TNIK: variants seen among roughly 807,000 people sequenced by gnomAD.
The protein encoded by TNIK is TRAF2 and NCK interacting kinase.
A neutral mutation model predicts 191.3 loss-of-function variants in TNIK; 49 were observed. The observed-to-expected ratio is 0.26, with a 90% CI of 0.20 to 0.32. The LOEUF is 0.32. Ranked by LOEUF, TNIK falls within the 10% of genes least tolerant of loss-of-function variation. The pLI is 1.00. For missense variants in TNIK, 1,155 were observed against 1,702.3 expected (o/e 0.68, Z 5.66); for synonymous variants, 594 against 600.9 (o/e 0.99, Z 0.17).
At chr3:171,166,624 C>T (rs1470666284) in intron 10 of TNIK, among the ~76,000 whole-genome samples, 1 of 152,092 alleles carries the variant, frequency 6.6e-6, no homozygotes, top group African/African-American at 2.4e-5. Context: ...TCTATCACTG[C>T]AACTATAAAA....
intron 9 of TNIK, among the ~76,000 whole-genome samples, chr3:171,169,892 T>TTCG (rs1434743502): frequency 6.6e-6 from 1 of 152,220 alleles, no homozygotes; most frequent in African/African-American, 2.4e-5. Context: ...GGTAATATAT[T>TTCG]TCATATCTTC....
At chr3:171,223,287 C>A (rs963117145) in intron 3 of TNIK, among the ~76,000 whole-genome samples, 1 of 151,988 alleles carries the variant, frequency 6.6e-6, no homozygotes, top group Non-Finnish European at 1.5e-5. Flanking sequence ...ACAAACTTTA[C>A]AAGTAACGTT....
intron 5 of TNIK, among the ~76,000 whole-genome samples, chr3:171,192,711 T>A (rs1201395240): frequency 6.6e-6 from 1 of 152,186 alleles, no homozygotes; most frequent in Non-Finnish European, 1.5e-5. Context: ...GTGGTCAGGA[T>A]GACTAAATAA....
intron 2 of TNIK, among the ~76,000 whole-genome samples, chr3:171,351,287 G>A (rs1181868723): frequency 9.8e-6 from 1 of 101,628 alleles, no homozygotes; most frequent in Non-Finnish European, 2.2e-5. Flanking sequence ...GTGTGTGTGT[G>A]TATGAATGCA....
intron 2 of TNIK, among the ~76,000 whole-genome samples, chr3:171,352,019 AT>A (rs1158458565): frequency 6.6e-6 from 1 of 152,204 alleles, no homozygotes; most frequent in African/African-American, 2.4e-5. Flanking sequence ...TTAAATGGGC[AT>A]ATAAATCACC....
At chr3:171,427,738 GGC>G (rs1724829168) in intron 1 of TNIK, among the ~76,000 whole-genome samples, 1 of 152,170 alleles carries the variant, frequency 6.6e-6, no homozygotes. Flanking sequence ...AGGGAAAGAT[GGC>G]TCACCCTTGT....
intron 1 of TNIK, among the ~76,000 whole-genome samples, chr3:171,415,279 C>T (rs1036395454): frequency 1.3e-5 from 2 of 152,180 alleles, no homozygotes; most frequent in African/African-American, 2.4e-5. Flanking sequence ...CATCATAGCA[C>T]TTAACCACTA....
intron 1 of TNIK, among the ~76,000 whole-genome samples, chr3:171,393,030 T>C (rs1403699739): frequency 6.6e-6 from 1 of 152,106 alleles, no homozygotes; most frequent in African/African-American, 2.4e-5. Flanking sequence ...GGAACCACTG[T>C]AAAAGGGCCC....
intron 3 of TNIK, among the ~76,000 whole-genome samples, chr3:171,215,766 C>CT (rs1741384255): frequency 6.6e-6 from 1 of 152,146 alleles, no homozygotes; most frequent in African/African-American, 2.4e-5. Context: ...CACAGGGGAA[C>CT]ACACTTTAAG....
At chr3:171,074,830 A>C (rs2173610) in intron 28 of TNIK, among the ~76,000 whole-genome samples, 1 of 152,202 alleles carries the variant, frequency 6.6e-6, no homozygotes, top group African/African-American at 2.4e-5. Flanking sequence ...GGAAACTACA[A>C]GTGGTTCTTT....
chr3:171,295,239 A>T (rs1752155064), intron 2 of TNIK, among the ~76,000 whole-genome samples: 1 of 152,214 alleles, frequency 6.6e-6, no homozygotes, highest in Admixed American at 6.5e-5. Context: ...GATTTGGGGA[A>T]CTATGCACTA....
At chr3:171,310,833 C>T (rs1468374521) in intron 2 of TNIK, among the ~76,000 whole-genome samples, 1 of 151,986 alleles carries the variant, frequency 6.6e-6, no homozygotes, top group Admixed American at 6.6e-5. Context: ...AACAAACAAA[C>T]AAAAAGAAAG....
At chr3:171,077,759 A>C (rs553760049) in intron 28 of TNIK, among the ~76,000 whole-genome samples, 1 of 152,110 alleles carries the variant, frequency 6.6e-6, no homozygotes, top group African/African-American at 2.4e-5. Context: ...ATGTGAAATA[A>C]TTCCTCATAA....
intron 2 of TNIK, among the ~76,000 whole-genome samples, chr3:171,340,099 T>C (rs183692878): frequency 6.6e-6 from 1 of 152,322 alleles, no homozygotes; most frequent in Admixed American, 6.5e-5. Flanking sequence ...TAAAATATTA[T>C]AAAGAATATT....
At position 171,296,805 on chromosome 3, in the gene TNIK, A is replaced by C. The variant is rs187448847; in HGVS notation, c.124-68584T>G. On this transcript the variant is annotated intron_variant, in intron 2 of 32. Coordinates refer to ENST00000436636, the MANE Select transcript of TNIK (RefSeq NM_015028.4). Reference sequence around the variant, plus strand: ...CTTAAATGACACTTTTATCTAGAACACAAGTAATTCCCCAAGGCTTTCCCT... The same window carrying C: ...CTTAAATGACACTTTTATCTAGAACCCAAGTAATTCCCCAAGGCTTTCCCT... 1.5e-4 allele frequency among the ~76,000 whole-genome samples: 23 copies of C among 152,330 alleles called. No individual in the cohort carries two copies. In the East Asian group the frequency reaches 4.4e-3, roughly 29 times the overall value.
chr3:171,098,070 C>G (rs572605995), intron 22 of TNIK, among the ~76,000 whole-genome samples: 1 of 152,228 alleles, frequency 6.6e-6, no homozygotes, highest in African/African-American at 2.4e-5. Flanking sequence ...GCATGATTCC[C>G]CACTCCTCAA....
intron 9 of TNIK, among the ~76,000 whole-genome samples, chr3:171,173,910 C>T (rs1328359015): frequency 1.3e-5 from 2 of 152,046 alleles, no homozygotes; most frequent in Non-Finnish European, 2.9e-5. Context: ...GAGTCTGATC[C>T]AGGGAGAAGA....
At chr3:171,091,970 G>C (rs78208325) in intron 23 of TNIK, among the ~76,000 whole-genome samples, 1 of 139,258 alleles carries the variant, frequency 7.2e-6, no homozygotes, top group Admixed American at 7.1e-5. Context: ...TTTTTTTTAA[G>C]ACAGAGTCTC....
chr3:171,140,662 G>A (rs1315735137), intron 12 of TNIK, among the ~76,000 whole-genome samples, 153 bp from the exon 13 acceptor site: 1 of 152,126 alleles, frequency 6.6e-6, no homozygotes, highest in East Asian at 1.9e-4. Context: ...CTGTTGGAGG[G>A]TACACTGGCA....
Sources: allele counts gnomAD v4.1 joint callset (sites outside exome capture counted in the v4.1 genomes callset), GRCh38; gene constraint gnomAD v4.1.1; transcripts MANE v1.5; gene names NCBI Gene and HGNC (gene_info 2026-07-23, HGNC 2026-07-21).